The following POLD3 variants were observed in gnomAD, a reference collection of about 807,000 sequenced individuals.
The protein encoded by POLD3 is DNA polymerase delta 3, accessory subunit.
A neutral mutation model predicts 58.2 loss-of-function variants in POLD3; 19 were observed. The ratio of observed to expected loss-of-function variants is 0.33; its 90% confidence interval spans 0.23 to 0.48. The LOEUF (loss-of-function observed/expected upper bound fraction) is 0.48, where lower values mean the gene tolerates loss of function less well. Among genes scored for constraint, POLD3 ranks in the 20% least tolerant of loss-of-function variants. The pLI is 0.99. For synonymous variants in POLD3, 172 were observed against 193.5 expected (o/e 0.89, Z 0.92); for missense variants, 504 against 545.5 (o/e 0.92, Z 0.76).
intron 5 of POLD3, among the ~76,000 whole-genome samples, chr11:74,617,297 C>A (rs1031457516): frequency 6.6e-6 from 1 of 152,226 alleles, no homozygotes; most frequent in African/African-American, 2.4e-5. Context: ...CTTGGGCATA[C>A]TTACTTGTCC....
chr11:74,632,665 T>G (rs2135172085), intron 9 of POLD3, among the ~76,000 whole-genome samples: 1 of 152,322 alleles, frequency 6.6e-6, no homozygotes, highest in East Asian at 1.9e-4. Flanking sequence ...TCCATGGATT[T>G]GTTGAAATTT....
At chr11:74,638,220 T>C (rs2032810510) in intron 11 of POLD3, among the ~76,000 whole-genome samples, 1 of 152,118 alleles carries the variant, frequency 6.6e-6, no homozygotes, top group Non-Finnish European at 1.5e-5. Context: ...GGAGACCTCC[T>C]TTTTTCTGGG....
chr11:74,655,420 A>G (rs1482684859), intron 4 of POLD3, among the ~76,000 whole-genome samples: 1 of 152,274 alleles, frequency 6.6e-6, no homozygotes, highest in Non-Finnish European at 1.5e-5. Flanking sequence ...AGACTATATT[A>G]TCTAAAATAT....
At position 74,619,907 on chromosome 11, in the gene POLD3, A is replaced by G. The variant is rs184768659; in HGVS notation, c.661-110A>G. 1.1e-3 allele frequency: 867 copies of G among 804,534 alleles called. 5 individuals are homozygous for G. In the African/African-American group the frequency reaches 0.012, roughly 11 times the overall value. The allele number at this position is 804,534 out of a possible 1,614,324, so 49.8% of individuals were successfully genotyped here. ...CCTACGCGTTTTGGCATGATTATAT[A>G]GAGACTATACCATCGCAACAGTTTG... On this transcript the variant is annotated intron_variant, in intron 6 of 11. Coordinates refer to ENST00000263681, the MANE Select transcript of POLD3 (RefSeq NM_006591.3).
In POLD3 at chr11:74,618,640, A is replaced by G. The variant is rs1220876197; in HGVS notation, c.496A>G (p.Thr166Ala). The G allele has an allele frequency of 9.3e-6, 15 of 1,614,120 alleles. No homozygotes were observed. Among genetic ancestry groups the G allele is most frequent in the Non-Finnish European group, 1.3e-5 (15 of 1,180,026 alleles). ...EQSHLHMSSETQANNELTTNG... is the reference protein window; with the variant it reads ...EQSHLHMSSEAQANNELTTNG... Reference sequence around the variant, plus strand: ...GTCACATCTTCACATGTCAAGTGAGACACAAGCCAACAATGAGCTGACCAC... The same window carrying G: ...GTCACATCTTCACATGTCAAGTGAGGCACAAGCCAACAATGAGCTGACCAC... The change falls in exon 6 of 12, where the codon ACA becomes GCA. Residue 166 changes from threonine to alanine, a missense_variant. Coordinates refer to ENST00000263681, the MANE Select transcript of POLD3 (RefSeq NM_006591.3).
intron 4 of POLD3, among the ~76,000 whole-genome samples, chr11:74,654,744 T>C (rs1041204897): frequency 1.3e-5 from 2 of 152,210 alleles, no homozygotes; most frequent in Non-Finnish European, 2.9e-5. Flanking sequence ...GCAGCTTTGC[T>C]GTGGGAAGGA....
intron 3 of POLD3, among the ~76,000 whole-genome samples, chr11:74,608,467 T>A (rs2031773418): frequency 6.6e-6 from 1 of 152,114 alleles, no homozygotes; most frequent in Non-Finnish European, 1.5e-5. Flanking sequence ...TTTTCTCTCA[T>A]CAACTAGCCG....
chr11:74,607,931 T>C (rs2031754807), intron 3 of POLD3, among the ~76,000 whole-genome samples: 1 of 152,212 alleles, frequency 6.6e-6, no homozygotes, highest in South Asian at 2.1e-4. Flanking sequence ...TTTTTATTTT[T>C]CCAATGATTA....
At chr11:74,630,410 T>TGTGATAAAGG (rs1240794191) in intron 9 of POLD3, among the ~76,000 whole-genome samples, 1 of 152,228 alleles carries the variant, frequency 6.6e-6, no homozygotes. Flanking sequence ...AAGCTGAATC[T>TGTGATAAAGG]GTGATAAAGG....
At chr11:74,592,830 G>A in intron 1 of POLD3, 112 bp downstream of exon 1, 1 of 1,532,732 alleles carries the variant, frequency 6.5e-7, no homozygotes, top group Non-Finnish European at 8.8e-7. Context: ...GACCAGGGGA[G>A]ACAGGTCCCC....
intron 11 of POLD3, chr11:74,638,555 CTAATT>C (rs1329887801): frequency 2.2e-6 from 1 of 449,816 alleles, no homozygotes; most frequent in East Asian, 7.0e-5. Context: ...TCAGACTTTT[CTAATT>C]TAAGATATTG....
intron 4 of POLD3, 91 bp from the exon 5 acceptor site, chr11:74,612,787 A>G: frequency 8.9e-7 from 1 of 1,129,694 alleles, no homozygotes; most frequent in Non-Finnish European, 1.3e-6. Context: ...CACAGATTAC[A>G]AATGCTTTAA....
intron 8 of POLD3, among the ~76,000 whole-genome samples, chr11:74,625,895 G>GTGTGTGTA (rs2032421160): frequency 6.6e-6 from 1 of 151,902 alleles, no homozygotes; most frequent in African/African-American, 2.4e-5. Flanking sequence ...GTGTGTGTGT[G>GTGTGTGTA]TGTGTGTGTG....
At chr11:74,626,232 C>A (rs1343204985) in intron 8 of POLD3, among the ~76,000 whole-genome samples, 3 of 152,170 alleles carry the variant, frequency 2.0e-5, no homozygotes, top group African/African-American at 7.2e-5. Context: ...GGTTAAAGCT[C>A]TGTCCAGTGG....
At chr11:74,658,840 T>G (rs2033169101) in intron 4 of POLD3, among the ~76,000 whole-genome samples, 1 of 152,108 alleles carries the variant, frequency 6.6e-6, no homozygotes, top group South Asian at 2.1e-4. Flanking sequence ...CCTGGCTGCT[T>G]TCATGGGCTG....
intron 2 of POLD3, among the ~76,000 whole-genome samples, chr11:74,599,939 A>G (rs2031425402): frequency 6.7e-6 from 1 of 148,310 alleles, no homozygotes; most frequent in African/African-American, 2.5e-5. Flanking sequence ...GAAGTCATAT[A>G]TGTTGTTATT....
At chr11:74,621,704 G>A (rs2032265663) in intron 7 of POLD3, among the ~76,000 whole-genome samples, 1 of 152,098 alleles carries the variant, frequency 6.6e-6, no homozygotes, top group African/African-American at 2.4e-5. Context: ...ATATTCTACT[G>A]AGAGAGATGG....
At chr11:74,602,028 G>A (rs1350873649) in intron 2 of POLD3, among the ~76,000 whole-genome samples, 1 of 152,164 alleles carries the variant, frequency 6.6e-6, no homozygotes, top group East Asian at 1.9e-4. Context: ...AACAAGAAGG[G>A]TCTTACCTGT....
chr11:74,601,861 G>A (rs890848201), intron 2 of POLD3, among the ~76,000 whole-genome samples: 14 of 152,146 alleles, frequency 9.2e-5, no homozygotes, highest in African/African-American at 3.1e-4. Flanking sequence ...CAACTGAGCT[G>A]CTGTCTTGAT....
Sources: allele counts gnomAD v4.1 joint callset (sites outside exome capture counted in the v4.1 genomes callset), GRCh38; gene constraint gnomAD v4.1.1; transcripts MANE v1.5; gene names NCBI Gene and HGNC (gene_info 2026-07-23, HGNC 2026-07-21).